The following TMC1 variants were observed in gnomAD, a reference collection of about 807,000 sequenced individuals.
The protein encoded by TMC1 is transmembrane channel-like protein 1.
TMC1 carries 84 observed loss-of-function variants against 105.8 expected under a neutral mutation model. That is an observed-to-expected ratio of 0.79 (90% CI 0.67 to 0.95). The LOEUF (loss-of-function observed/expected upper bound fraction) is 0.95. TMC1 is among the 40% of genes least tolerant of loss of function. TMC1 has a pLI of 0.00. For synonymous variants in TMC1, 315 were observed against 311.5 expected, an observed-to-expected ratio of 1.01 and a Z score of -0.12; for missense variants, 817 against 914.1, an observed-to-expected ratio of 0.89 and a Z score of 1.37.
At chr9:72,692,587 A>T (rs1588034690) in intron 6 of TMC1, among the ~76,000 whole-genome samples, 1 of 152,216 alleles carries the variant, frequency 6.6e-6, no homozygotes, top group Non-Finnish European at 1.5e-5. Flanking sequence ...TAAAATTCAG[A>T]GTACCAAGTA....
At chr9:72,567,356 C>T (rs1226134450) in intron 1 of TMC1, among the ~76,000 whole-genome samples, 2 of 152,218 alleles carry the variant, frequency 1.3e-5, no homozygotes, top group Non-Finnish European at 2.9e-5. Flanking sequence ...CAGATATTTA[C>T]ACCCATCTTC....
intron 8 of TMC1, among the ~76,000 whole-genome samples, chr9:72,734,835 A>G (rs1827272893): frequency 6.6e-6 from 1 of 152,182 alleles, no homozygotes; most frequent in Admixed American, 6.5e-5. Context: ...CAAATTGAAA[A>G]CAAGAGGAAA....
intron 8 of TMC1, among the ~76,000 whole-genome samples, chr9:72,707,283 G>A (rs1191162031): frequency 6.6e-6 from 1 of 152,160 alleles, no homozygotes; most frequent in Non-Finnish European, 1.5e-5. Context: ...CCTGTAGTGG[G>A]ATTGCTGGGT....
At chr9:72,675,157 C>T (rs1826184028) in intron 5 of TMC1, among the ~76,000 whole-genome samples, 1 of 152,080 alleles carries the variant, frequency 6.6e-6, no homozygotes, top group East Asian at 1.9e-4. Context: ...GGATGTGAAG[C>T]TGAACAGTTC....
At chr9:72,737,455 T>G (rs1827319154) in intron 8 of TMC1, among the ~76,000 whole-genome samples, 1 of 152,186 alleles carries the variant, frequency 6.6e-6, no homozygotes, top group South Asian at 2.1e-4. Flanking sequence ...TCTTGACCTA[T>G]TAAAAGCCAC....
chr9:72,806,849 T>C (rs1471476504), intron 18 of TMC1, among the ~76,000 whole-genome samples: 1 of 152,140 alleles, frequency 6.6e-6, no homozygotes, highest in Non-Finnish European at 1.5e-5. Context: ...GCTCCTCACT[T>C]CCCAGACGGG....
At chr9:72,632,034 A>T (rs539695335) in intron 4 of TMC1, among the ~76,000 whole-genome samples, 1 of 152,308 alleles carries the variant, frequency 6.6e-6, no homozygotes, top group African/African-American at 2.4e-5. Context: ...CTGAGACTGG[A>T]TAATTTATAA....
At chr9:72,775,087 A>C (rs1278341545) in intron 13 of TMC1, among the ~76,000 whole-genome samples, 1 of 152,162 alleles carries the variant, frequency 6.6e-6, no homozygotes, top group Non-Finnish European at 1.5e-5. Context: ...AATAGTTTGA[A>C]ATTTTAAGAT....
At chr9:72,666,939 A>G (rs1826054186) in intron 5 of TMC1, among the ~76,000 whole-genome samples, 1 of 150,800 alleles carries the variant, frequency 6.6e-6, no homozygotes, top group South Asian at 2.1e-4. Flanking sequence ...TAAACGAAAC[A>G]CATGGTGGCG....
chr9:72,657,519 A>AT (rs1825903458), intron 5 of TMC1, among the ~76,000 whole-genome samples: 1 of 152,140 alleles, frequency 6.6e-6, no homozygotes, highest in East Asian at 1.9e-4. Flanking sequence ...ATTTTACATG[A>AT]TGTAAACAGG....
intron 12 of TMC1, among the ~76,000 whole-genome samples, chr9:72,770,761 GA>G (rs2118121110): frequency 6.6e-6 from 1 of 152,260 alleles, no homozygotes; most frequent in East Asian, 1.9e-4. Context: ...CTGAAGGCCT[GA>G]GAACCAGGGG....
intron 23 of TMC1, among the ~76,000 whole-genome samples, chr9:72,831,524 G>C (rs753914495): frequency 4.6e-5 from 7 of 151,976 alleles, no homozygotes; most frequent in Non-Finnish European, 8.8e-5. Context: ...TGCCATGTTG[G>C]TGTGCTGCAC....
Position 72,570,229 on chromosome 9 carries a change from T to TGTG in TMC1, c.-427-7673_-427-7672insGTG, listed in dbSNP as rs756068731. 4.4e-3 allele frequency among the ~76,000 whole-genome samples: 384 copies of TGTG among 87,616 alleles called. 1 individual carries two copies. The highest frequency in any genetic ancestry group is 0.022 in the African/African-American group (372 of 16,884). The allele number at this position is 87,616 out of a possible 152,430, so 57.5% of individuals were successfully genotyped here. A position where few individuals can be genotyped will look rare whatever the true frequency, so the allele number is the denominator to read the frequency against. ...TTGAAAGGGGGTGGGGCTCAAAGAG[T>TGTG]AGTGTGTGTGTGTGTGTGTGTGTGT... is the stretch of plus-strand genomic sequence containing the variant. On this transcript the variant is annotated intron_variant, in intron 1 of 23. Transcript: ENST00000297784.
In TMC1 at chr9:72,836,111, T is replaced by C. The variant is rs1210937367; in HGVS notation, c.*138T>C. The C allele has an allele frequency of 9.8e-7, 1 of 1,017,474 alleles. No individual in the cohort carries two copies. Among genetic ancestry groups the C allele is most frequent in the South Asian group, 1.3e-5 (1 of 78,432 alleles). The allele number at this position is 1,017,474 out of a possible 1,614,324, so 63.0% of individuals were successfully genotyped here. A position where few individuals can be genotyped will look rare whatever the true frequency, so the allele number is the denominator to read the frequency against. ...CCTTGATGGATTTTCAAGGTCATGC[T>C]GGCCAATTAAGGCATCATCAGTCCT... On this transcript the variant is annotated 3_prime_UTR_variant, in exon 24 of 24. Transcript: ENST00000297784.
chr9:72,784,555 A>G (rs1205931698), intron 13 of TMC1, among the ~76,000 whole-genome samples: 6 of 152,258 alleles, frequency 3.9e-5, no homozygotes, highest in Non-Finnish European at 5.9e-5. Context: ...AACTCAAAAC[A>G]GAACTACCAT....
In TMC1 at chr9:72,772,521, T is replaced by C. The variant is rs745607141; in HGVS notation, c.850T>C (p.Cys284Arg). 6.2e-7 allele frequency: 1 copy of C among 1,613,960 alleles called. No homozygotes were observed. Among genetic ancestry groups the C allele is most frequent in the Non-Finnish European group, 8.5e-7 (1 of 1,179,826 alleles). ...PLSYFLVGIMCIGYSFLVVLK... is the reference protein window; with the variant it reads ...PLSYFLVGIMRIGYSFLVVLK... The stretch of plus-strand genomic sequence containing the variant: ...CTCCTATTTTCTAGTGGGGATTATG[T>C]GCATTGGATACAGCTTTCTGGTTGT... The change falls in exon 13 of 24, where the codon TGC (cysteine) becomes CGC (arginine). Residue 284 changes from cysteine to arginine, a missense_variant. Coordinates refer to ENST00000297784, the MANE Select transcript of TMC1 (RefSeq NM_138691.3).
chr9:72,746,358 T>C (rs1489354161), intron 10 of TMC1, among the ~76,000 whole-genome samples: 1 of 152,192 alleles, frequency 6.6e-6, no homozygotes, highest in East Asian at 1.9e-4. Flanking sequence ...GACTCTACCC[T>C]CATTGATCTT....
At position 72,558,139 on chromosome 9, in the gene TMC1, C is replaced by T. The variant is rs1003960063; in HGVS notation, c.-427-19763C>T. 2.6e-5 allele frequency among the ~76,000 whole-genome samples: 4 copies of T among 151,994 alleles called. No individual in the cohort carries two copies. The South Asian group carries it at 6.2e-4, about 24-fold the overall frequency. ...CTAATTTGCCTGTGTATTTGGTGAA[C>T]ATTTCTCTCTCTCTCTCTCTTTCTC... On this transcript the variant is annotated intron_variant, in intron 1 of 23. Coordinates refer to ENST00000297784, the MANE Select transcript of TMC1 (RefSeq NM_138691.3).
At chr9:72,803,952 A>G (rs1828523996) in intron 17 of TMC1, among the ~76,000 whole-genome samples, 1 of 152,240 alleles carries the variant, frequency 6.6e-6, no homozygotes, top group African/African-American at 2.4e-5. Flanking sequence ...TTGCAGCACT[A>G]TTCACAATAG....
Sources: allele counts gnomAD v4.1 joint callset (sites outside exome capture counted in the v4.1 genomes callset), GRCh38; gene constraint gnomAD v4.1.1; transcripts MANE v1.5; gene names NCBI Gene and HGNC (gene_info 2026-07-23, HGNC 2026-07-21).